The following KYAT1 variants were observed in gnomAD, a reference collection of about 807,000 sequenced individuals.
The protein encoded by KYAT1 is kynurenine aminotransferase 1.
KYAT1 carries 47 observed loss-of-function variants against 52.4 expected under a neutral mutation model. The observed-to-expected ratio is 0.90, with a 90% CI of 0.71 to 1.14. KYAT1 has a LOEUF of 1.14. KYAT1 is among the 50% of genes most tolerant of loss of function. The pLI is 0.00. For missense variants in KYAT1, 480 were observed against 557.9 expected (o/e 0.86, Z 1.41); for synonymous variants, 212 against 209.6 (o/e 1.01, Z -0.10).
intron 1 of KYAT1, among the ~76,000 whole-genome samples, chr9:128,849,562 G>A (rs544003609): frequency 4.6e-5 from 7 of 151,782 alleles, no homozygotes; most frequent in Non-Finnish European, 7.4e-5. Flanking sequence ...TTGGGAGGCC[G>A]AGGCAGGCTG....
rs1202846765 is a variant in KYAT1, at chr9:128,868,703, A to AT, written c.-7+13193dup. ...AGGCACATGCCACCATGCCTGGCTAATTTTTTTTTTTTTTTTTTTTTGAGA... is the reference window on the plus strand; with the variant it reads ...AGGCACATGCCACCATGCCTGGCTAATTTTTTTTTTTTTTTTTTTTTTGAGA... On this transcript the variant is annotated intron_variant, in intron 1 of 12. Coordinates refer to ENST00000302586, the MANE Select transcript of KYAT1 (RefSeq NM_004059.5). Among the ~76,000 whole-genome samples the AT allele has an allele frequency of 8.1e-3, 1,070 of 131,944 alleles. 15 individuals carry two copies. The highest frequency in any genetic ancestry group is 0.016 in the African/African-American group (577 of 35,208). The allele number at this position is 131,944 out of a possible 152,430, so 86.6% of individuals were successfully genotyped here.
intron 1 of KYAT1, among the ~76,000 whole-genome samples, chr9:128,863,658 C>T (rs1429415304): frequency 6.6e-6 from 1 of 152,080 alleles, no homozygotes; most frequent in Non-Finnish European, 1.5e-5. Context: ...GTACAGGGGG[C>T]ACGTAGGCTG....
At chr9:128,870,950 C>CAA (rs11334239) in intron 1 of KYAT1, among the ~76,000 whole-genome samples, 1,329 of 98,042 alleles carry the variant, frequency 0.014, 12 homozygotes, top group African/African-American at 0.04. Context: ...ACCTCAATTA[C>CAA]AAAAAAAAAA....
chr9:128,848,965 A>C (rs921791098), intron 1 of KYAT1, among the ~76,000 whole-genome samples: 2 of 151,888 alleles, frequency 1.3e-5, no homozygotes, highest in African/African-American at 4.8e-5. Flanking sequence ...AATACAAAAA[A>C]TTAGCTGGGT....
At position 128,836,869 on chromosome 9, in the gene KYAT1, G is replaced by A. The variant is rs199685643; in HGVS notation, c.621C>T (p.Asp207=). 15 of 1,613,930 alleles carry A rather than the reference G, an allele frequency of 9.3e-6. No homozygotes were observed. Among genetic ancestry groups the A allele is most frequent in the East Asian group, 8.9e-5 (4 of 44,876 alleles). ...ELVASLCQQH[D]VVCITDEVYQ... ...AGACTTCATCAGTGATACACACCAC[G>A]TCATGCTGCTGGCAAAGGCTGGCCA... The change falls in exon 7 of 13, where the codon GAC becomes GAT. Residue 207 remains aspartate (D), a synonymous_variant. Transcript: ENST00000302586.
Position 128,837,812 on chromosome 9 carries a change from C to A in KYAT1, c.440G>T (p.Gly147Val), listed in dbSNP as rs753670457. 8 of 1,614,016 alleles carry A rather than the reference C, an allele frequency of 5.0e-6. No individual in the cohort carries two copies. The highest frequency in any genetic ancestry group is 4.5e-5 in the East Asian group (2 of 44,876). ...GRPVFVSLKP[G>V]PIQNGELGSS... ...ACCCAGTTCTCCATTCTGGATGGGA[C>A]CCTGCAAGAGCAGGTGGCATGGGGT... The change falls in exon 6 of 13, where the codon GGT becomes GTT. Residue 147 changes from glycine (G) to valine (V), a missense_variant and splice_region_variant. Transcript: ENST00000302586.
At chr9:128,865,374 T>TTC (rs1836222597) in intron 1 of KYAT1, among the ~76,000 whole-genome samples, 1 of 75,158 alleles carries the variant, frequency 1.3e-5, no homozygotes, top group Non-Finnish European at 2.2e-5. Flanking sequence ...TTTTTTTTTT[T>TTC]TTTTTGAGAC....
chr9:128,849,380 C>T (rs1180572662), intron 1 of KYAT1, among the ~76,000 whole-genome samples: 1 of 124,828 alleles, frequency 8.0e-6, no homozygotes, highest in Non-Finnish European at 1.6e-5. Context: ...CACTGCACTC[C>T]AGGCTGGGTG....
intron 1 of KYAT1, among the ~76,000 whole-genome samples, chr9:128,858,393 T>A (rs1588118701): frequency 2.1e-3 from 1 of 476 alleles, no homozygotes; most frequent in East Asian, 0.033. Flanking sequence ...TGAGACCATG[T>A]ATAAAAAAAA....
intron 1 of KYAT1, among the ~76,000 whole-genome samples, chr9:128,876,546 T>G (rs1462783282): frequency 6.6e-6 from 1 of 150,762 alleles, no homozygotes; most frequent in African/African-American, 2.4e-5. Flanking sequence ...GCCTCCCGAG[T>G]AGCTGGGACT....
In KYAT1 at chr9:128,875,642, G is replaced by T. The variant is rs141039933; in HGVS notation, c.-7+6255C>A. 5.6e-3 allele frequency among the ~76,000 whole-genome samples: 847 copies of T among 152,060 alleles called. 4 individuals carry two copies. Among genetic ancestry groups the T allele is most frequent in the African/African-American group, 0.018 (756 of 41,506 alleles). ...CCGCTTCAAAAAAAAAAAAAAATGT[G>T]TGGGATAACTGCTGCAATGGAGGCA... On this transcript the variant is annotated intron_variant, in intron 1 of 12. Coordinates refer to ENST00000302586, the MANE Select transcript of KYAT1 (RefSeq NM_004059.5).
At chr9:128,854,941 T>C (rs74844688) in intron 1 of KYAT1, among the ~76,000 whole-genome samples, 1 of 152,152 alleles carries the variant, frequency 6.6e-6, no homozygotes, top group Non-Finnish European at 1.5e-5. Context: ...GGTAGAAGTA[T>C]CTACTGTCAG....
At chr9:128,847,710 A>G in intron 1 of KYAT1, 1 of 543,562 alleles carries the variant, frequency 1.8e-6, no homozygotes, top group Non-Finnish European at 3.3e-6. Context: ...CAGGAATAGC[A>G]CCAAGTGCTC....
chr9:128,873,037 C>CTGCACTCCA (rs1461375237), intron 1 of KYAT1, among the ~76,000 whole-genome samples: 6 of 138,434 alleles, frequency 4.3e-5, no homozygotes, highest in African/African-American at 1.7e-4. Context: ...GATCGCACTA[C>CTGCACTCCA]TGCACTCCAG....
chr9:128,842,863 T>C lies in KYAT1; in HGVS notation c.54-62A>G, dbSNP rs1009736020. 11 of 1,542,684 alleles carry C rather than the reference T, an allele frequency of 7.1e-6. No homozygotes were observed. The African/African-American group carries it at 1.4e-4, about 19-fold the overall frequency. On this transcript the variant is annotated intron_variant, in intron 2 of 12. Coordinates refer to ENST00000302586, the MANE Select transcript of KYAT1 (RefSeq NM_004059.5). ...CTCCATGGTGACCTGGACTTCGGCCTGTTTAGAAAAACTGGACAACCGGCC... is the reference window on the plus strand; with the variant it reads ...CTCCATGGTGACCTGGACTTCGGCCCGTTTAGAAAAACTGGACAACCGGCC...
chr9:128,844,463 G>A (rs1481426304), intron 2 of KYAT1, among the ~76,000 whole-genome samples: 2 of 151,116 alleles, frequency 1.3e-5, no homozygotes, highest in Non-Finnish European at 2.9e-5. Flanking sequence ...GGTGGATCAC[G>A]AGGTCAGGAG....
intron 1 of KYAT1, among the ~76,000 whole-genome samples, chr9:128,859,477 G>C (rs1835149188): frequency 6.6e-6 from 1 of 152,036 alleles, no homozygotes; most frequent in Admixed American, 6.5e-5. Context: ...AGACCAGCCT[G>C]GTCAACATGG....
chr9:128,836,550 C>T (rs560793901), intron 7 of KYAT1, among the ~76,000 whole-genome samples: 1 of 152,160 alleles, frequency 6.6e-6, no homozygotes, highest in Non-Finnish European at 1.5e-5. Flanking sequence ...CTGCCAGCCT[C>T]AGCCTCCCAA....
chr9:128,842,074 C>T (rs62585565), intron 3 of KYAT1: 1 of 308,612 alleles, frequency 3.2e-6, no homozygotes, highest in Non-Finnish European at 6.6e-6. Flanking sequence ...CACCTGTAGT[C>T]CCAGTTACTC....
Sources: allele counts gnomAD v4.1 joint callset (sites outside exome capture counted in the v4.1 genomes callset), GRCh38; gene constraint gnomAD v4.1.1; transcripts MANE v1.5; gene names NCBI Gene and HGNC (gene_info 2026-07-23, HGNC 2026-07-21).